The following SLC44A3 variants were observed in gnomAD, a reference collection of about 807,000 sequenced individuals.
SLC44A3 encodes the protein solute carrier family 44 member 3, also known as choline transporter-like protein 3.
Under a neutral mutation model 75.4 loss-of-function variants are expected in SLC44A3, and 74 were observed. The ratio of observed to expected loss-of-function variants is 0.98; its 90% CI spans 0.81 to 1.19. SLC44A3 has a LOEUF of 1.19. SLC44A3 is among the 50% of genes most tolerant of loss of function. The probability of loss-of-function intolerance (pLI) is 0.00; values close to 1 mark genes in which losing one functional copy is unlikely to be tolerated. For synonymous variants in SLC44A3, 310 were observed against 296.9 expected (o/e 1.04, Z -0.45); for missense variants, 700 against 778.6 (o/e 0.90, Z 1.20).
At chr1:94,826,291 T>C (rs961584707) in intron 3 of SLC44A3, among the ~76,000 whole-genome samples, 61 of 152,144 alleles carry the variant, frequency 4.0e-4, no homozygotes, top group Admixed American at 5.2e-4. Context: ...GAAGATGAGT[T>C]CTGTGAATGG....
At chr1:94,832,185 C>T (rs759699211) in intron 5 of SLC44A3, among the ~76,000 whole-genome samples, 1 of 151,746 alleles carries the variant, frequency 6.6e-6, no homozygotes, top group Non-Finnish European at 1.5e-5. Context: ...AAGATGCATC[C>T]CTACCCCAGC....
intron 12 of SLC44A3, among the ~76,000 whole-genome samples, chr1:94,888,031 A>C (rs1490505293): frequency 1.3e-5 from 2 of 152,202 alleles, no homozygotes; most frequent in Non-Finnish European, 2.9e-5. Context: ...TCTGTGCTTT[A>C]CAGGGAGTAG....
At chr1:94,862,757 T>C (rs1054684151) in intron 10 of SLC44A3, among the ~76,000 whole-genome samples, 1 of 152,166 alleles carries the variant, frequency 6.6e-6, no homozygotes, top group South Asian at 2.1e-4. Flanking sequence ...GAAGGCTGAC[T>C]GGGGGCCCAG....
At chr1:94,859,514 C>A (rs1666324628) in intron 10 of SLC44A3, among the ~76,000 whole-genome samples, 1 of 152,122 alleles carries the variant, frequency 6.6e-6, no homozygotes, top group African/African-American at 2.4e-5. Flanking sequence ...TAAGATGCAG[C>A]CTGAAGTGAG....
intron 12 of SLC44A3, among the ~76,000 whole-genome samples, chr1:94,870,685 T>C (rs1405499460): frequency 6.6e-6 from 1 of 152,016 alleles, no homozygotes; most frequent in East Asian, 1.9e-4. Flanking sequence ...TTTTCGTTTT[T>C]GTTTTCTTTT....
chr1:94,870,688 T>A (rs1356541673), intron 12 of SLC44A3, among the ~76,000 whole-genome samples: 1 of 152,016 alleles, frequency 6.6e-6, no homozygotes, highest in Non-Finnish European at 1.5e-5. Context: ...TCGTTTTTGT[T>A]TTCTTTTGTT....
At chr1:94,865,623 G>A (rs191423738) in intron 11 of SLC44A3, among the ~76,000 whole-genome samples, 2 of 152,268 alleles carry the variant, frequency 1.3e-5, no homozygotes, top group Admixed American at 1.3e-4. Context: ...TGTTCTCATG[G>A]TATTTCTGGC....
At position 94,840,430 on chromosome 1, in the gene SLC44A3, C is replaced by T. The variant is rs558362430; in HGVS notation, c.760+393C>T. Among the ~76,000 whole-genome samples, 115 of 151,910 alleles carry T rather than the reference C, an allele frequency of 7.6e-4. 5 individuals are homozygous for T. In the South Asian group the frequency reaches 0.023, roughly 31 times the overall value. On this transcript the variant is annotated intron_variant, in intron 7 of 14. Transcript: ENST00000271227. ...TCAGCCCCCCAGGTAGCTGGAATTA[C>T]AGGCACATGCCACTACACCCAGCTA...
intron 9 of SLC44A3, 113 bp from the exon 10 acceptor site, chr1:94,857,222 G>A: frequency 1.9e-6 from 2 of 1,060,146 alleles, no homozygotes; most frequent in South Asian, 4.0e-5. Flanking sequence ...CTTGATTTTG[G>A]CATTTGTTTT....
intron 9 of SLC44A3, among the ~76,000 whole-genome samples, chr1:94,849,576 T>C (rs917697934): frequency 6.6e-6 from 1 of 152,266 alleles, no homozygotes. Flanking sequence ...TCTGAGCCGC[T>C]TTCACCTCTT....
At chr1:94,890,888 CAT>C (rs1317560841) in intron 12 of SLC44A3, among the ~76,000 whole-genome samples, 6 of 152,184 alleles carry the variant, frequency 3.9e-5, no homozygotes, top group African/African-American at 9.7e-5. Context: ...ATCATTTCCA[CAT>C]GTTTGTAGTG....
At chr1:94,866,383 C>G (rs888072021) in intron 11 of SLC44A3, among the ~76,000 whole-genome samples, 3 of 152,118 alleles carry the variant, frequency 2.0e-5, no homozygotes, top group Non-Finnish European at 4.4e-5. Flanking sequence ...TATCACTTCC[C>G]AGATCCCACA....
intron 12 of SLC44A3, among the ~76,000 whole-genome samples, chr1:94,876,062 C>A (rs1348049898): frequency 2.6e-5 from 4 of 152,176 alleles, no homozygotes; most frequent in African/African-American, 9.7e-5. Flanking sequence ...CCTCCTATGC[C>A]CTCCCACCCA....
At position 94,894,939 on chromosome 1, in the gene SLC44A3, C is replaced by A. The variant is rs201573764; in HGVS notation, c.*17C>A. On this transcript the variant is annotated 3_prime_UTR_variant, in exon 15 of 15. Coordinates refer to ENST00000271227, the MANE Select transcript of SLC44A3 (RefSeq NM_001114106.3). ...GTGAGATAGATACCCATTTAGGTATCTGTACCTGGAAAACATTTCCTTCTA... is the reference window on the plus strand; with the variant it reads ...GTGAGATAGATACCCATTTAGGTATATGTACCTGGAAAACATTTCCTTCTA... 2.9e-5 allele frequency: 46 copies of A among 1,578,604 alleles called. No homozygotes were observed. The African/African-American group carries it at 4.8e-4, about 16-fold the overall frequency.
At chr1:94,864,116 T>C (rs1337059737) in intron 10 of SLC44A3, among the ~76,000 whole-genome samples, 3 of 152,210 alleles carry the variant, frequency 2.0e-5, no homozygotes, top group East Asian at 1.9e-4. Context: ...TTTCCCTGCC[T>C]GTGAAACTGA....
At chr1:94,883,371 C>T (rs979849714) in intron 12 of SLC44A3, among the ~76,000 whole-genome samples, 4 of 152,152 alleles carry the variant, frequency 2.6e-5, no homozygotes, top group East Asian at 1.9e-4. Context: ...GGTGTGGTGG[C>T]GCATGCCTGT....
chr1:94,867,759 C>T (rs976484523), intron 12 of SLC44A3, among the ~76,000 whole-genome samples: 4 of 152,166 alleles, frequency 2.6e-5, no homozygotes, highest in African/African-American at 9.7e-5. Flanking sequence ...TTGTTCTTAG[C>T]TCCTGCCAGA....
chr1:94,884,425 C>T (rs944759537), intron 12 of SLC44A3, among the ~76,000 whole-genome samples: 8 of 152,236 alleles, frequency 5.3e-5, no homozygotes, highest in African/African-American at 1.9e-4. Flanking sequence ...AAGGAAGGCC[C>T]CTGGATGTAT....
At chr1:94,859,563 A>G (rs1383875302) in intron 10 of SLC44A3, among the ~76,000 whole-genome samples, 2 of 152,198 alleles carry the variant, frequency 1.3e-5, no homozygotes, top group East Asian at 3.9e-4. Context: ...TCAAGTATAA[A>G]AAGTATTTCC....
Sources: gnomAD v4.1 joint callset for allele counts (sites outside exome capture counted in the v4.1 genomes callset) on GRCh38, gnomAD v4.1.1 for gene constraint, MANE v1.5 for transcripts, NCBI Gene and HGNC (gene_info 2026-07-23, HGNC 2026-07-21) for gene names.